CCND3: variants seen among roughly 807,000 people sequenced by gnomAD.
CCND3 encodes cyclin D3.
In CCND3, 9 loss-of-function variants were observed where a neutral mutation model predicts 28.7. That is an observed-to-expected ratio of 0.31 (90% CI 0.19 to 0.55). CCND3 has a LOEUF of 0.55. Ranked by LOEUF, CCND3 falls within the 20% of genes least tolerant of loss-of-function variation. CCND3 has a pLI of 0.93. For missense variants in CCND3, 315 were observed against 385.8 expected, an observed-to-expected ratio of 0.82 and a Z score of 1.54; for synonymous variants, 164 against 163.9, an observed-to-expected ratio of 1.00 and a Z score of 0.00.
intron 1 of CCND3, among the ~76,000 whole-genome samples, chr6:41,994,900 C>G (rs951549096): frequency 6.6e-6 from 1 of 151,840 alleles, no homozygotes; most frequent in Non-Finnish European, 1.5e-5. Context: ...GGTGAAACCC[C>G]GTCTCTACTA....
chr6:42,035,741 G>C (rs1187899578), intron 1 of CCND3, among the ~76,000 whole-genome samples: 2 of 147,730 alleles, frequency 1.4e-5, no homozygotes, highest in Admixed American at 6.9e-5. Context: ...ACAGTAGCGC[G>C]ATCTCGGCTC....
rs921678222 is a variant in CCND3, at chr6:41,995,966, G to A, written c.-46+52535C>T. ...TAAAATTTTTTTAAAATACATAAATGTACAGAGAACAGAAATCACCCCAAA... is the reference window on the plus strand; with the variant it reads ...TAAAATTTTTTTAAAATACATAAATATACAGAGAACAGAAATCACCCCAAA... On this transcript the variant is annotated intron_variant, in intron 1 of 4. Transcript: ENST00000372988. 4.6e-5 allele frequency among the ~76,000 whole-genome samples: 7 copies of A among 151,144 alleles called. No homozygotes were observed. The East Asian group carries it at 1.4e-3, about 29-fold the overall frequency.
chr6:42,020,377 C>T (rs1763670756), intron 1 of CCND3, among the ~76,000 whole-genome samples: 1 of 152,226 alleles, frequency 6.6e-6, no homozygotes, highest in African/African-American at 2.4e-5. Flanking sequence ...GCAACTGACC[C>T]AACATGCAGA....
chr6:42,028,376 T>A (rs1376107947), intron 1 of CCND3, among the ~76,000 whole-genome samples: 1 of 152,114 alleles, frequency 6.6e-6, no homozygotes, highest in Non-Finnish European at 1.5e-5. Context: ...GGGCGAGGTG[T>A]GGAGAGCACA....
chr6:41,993,412 T>TTTC (rs1472629158), intron 1 of CCND3, among the ~76,000 whole-genome samples: 6 of 30,290 alleles, frequency 2.0e-4, no homozygotes, highest in African/African-American at 5.5e-4. Context: ...CATGTCTTCT[T>TTTC]TTTTTTTTTT....
Position 41,999,760 on chromosome 6 carries a change from A to C in CCND3, c.-46+48741T>G, listed in dbSNP as rs115477712. On this transcript the variant is annotated intron_variant, in intron 1 of 4. Transcript: ENST00000372988. ...AATTTAAAAGGCCGGACATGGTGGT[A>C]TGCACCTACAGTCCCAGCTTCTTTG... 4.1e-3 allele frequency among the ~76,000 whole-genome samples: 619 copies of C among 152,172 alleles called. 5 individuals are homozygous for C. Among genetic ancestry groups the C allele is most frequent in the African/African-American group, 0.014 (587 of 41,540 alleles).
intron 1 of CCND3, among the ~76,000 whole-genome samples, chr6:41,959,401 C>T (rs1399811006): frequency 6.6e-6 from 1 of 152,146 alleles, no homozygotes; most frequent in Non-Finnish European, 1.5e-5. Flanking sequence ...ATAACCCAGG[C>T]CAGGCGCAGT....
rs753011743 is a variant in CCND3 at position 41,937,325 on chromosome 6, C to A, written c.484G>T (p.Ala162Ser). 6.2e-7 allele frequency: 1 copy of A among 1,614,004 alleles called. No individual in the cohort carries two copies. Among genetic ancestry groups the A allele is most frequent in the African/African-American group, 1.3e-5 (1 of 74,884 alleles). The change falls in exon 3 of 5, where the codon GCC (alanine) becomes TCC (serine). Residue 162 changes from alanine (A) to serine (S), a missense_variant. Ala to Ser is a moderately conservative substitution (Grantham distance 99, BLOSUM62 1). Transcript: ENST00000372991. ...LAAVIAHDFL[A>S]FILHRLSLPR... is the part of the protein sequence containing the mutation. ...AGAGAGAGCCGGTGCAGAATGAAGGCCAGGAAATCATGTGCAATCACAGCA... is the reference window on the plus strand; with the variant it reads ...AGAGAGAGCCGGTGCAGAATGAAGGACAGGAAATCATGTGCAATCACAGCA...
intron 1 of CCND3, among the ~76,000 whole-genome samples, chr6:41,995,330 G>A (rs1003424585): frequency 4.0e-5 from 6 of 151,856 alleles, no homozygotes; most frequent in South Asian, 2.1e-4. Context: ...CGATCTCAGC[G>A]CGCTGCCACC....
chr6:41,951,801 C>T (rs1202231739), intron 1 of CCND3, among the ~76,000 whole-genome samples: 2 of 151,716 alleles, frequency 1.3e-5, no homozygotes, highest in Non-Finnish European at 2.9e-5. Context: ...CTCTGTCGCC[C>T]AGGCTGGAGT....
chr6:42,022,198 T>A (rs1199264721), intron 1 of CCND3, among the ~76,000 whole-genome samples: 1 of 152,192 alleles, frequency 6.6e-6, no homozygotes, highest in East Asian at 1.9e-4. Context: ...CAGGAAACAG[T>A]TCCAAGGATC....
chr6:41,981,137 C>CA (rs56288352), intron 1 of CCND3, among the ~76,000 whole-genome samples: 150,613 of 152,168 alleles, frequency 0.99, 74,550 homozygotes, highest in Middle Eastern at 1. Flanking sequence ...AAAGAATTGA[C>CA]AAAAAAATCC....
chr6:41,988,845 C>T (rs2127415327), intron 1 of CCND3, among the ~76,000 whole-genome samples: 1 of 151,106 alleles, frequency 6.6e-6, no homozygotes, highest in Admixed American at 6.6e-5. Flanking sequence ...ACTACAGGCG[C>T]CTGCCACCGC....
intron 1 of CCND3, among the ~76,000 whole-genome samples, chr6:41,960,682 A>T (rs1761695696): frequency 6.6e-6 from 1 of 152,200 alleles, no homozygotes; most frequent in Non-Finnish European, 1.5e-5. Context: ...GTAGATATTT[A>T]CATTGGCAAA....
chr6:42,029,740 G>A (rs573283880), intron 1 of CCND3, among the ~76,000 whole-genome samples: 22 of 151,940 alleles, frequency 1.4e-4, no homozygotes, highest in African/African-American at 4.1e-4. Flanking sequence ...GGGAGGCTGA[G>A]GCAAGAGAAT....
At position 41,937,295 on chromosome 6, in the gene CCND3, G is replaced by C. The variant is rs138467679; in HGVS notation, c.514C>G (p.Arg172Gly). 2 of 1,614,166 alleles carry C rather than the reference G, an allele frequency of 1.2e-6. No individual in the cohort carries two copies. The highest frequency in any genetic ancestry group is 1.7e-6 in the Non-Finnish European group (2 of 1,180,044). Residue 172 changes from arginine to glycine, a missense_variant, in exon 3 of 5, where the codon CGT (arginine) becomes GGT (glycine). Arg to Gly is a moderately radical substitution (Grantham distance 125). Transcript: ENST00000372991. ...AFILHRLSLP[R>G]DRQALVKKHA... ...TTTTTGACCAAGGCCTGTCGGTCAC[G>C]GGGCAGAGAGAGCCGGTGCAGAATG...
intron 1 of CCND3, among the ~76,000 whole-genome samples, chr6:42,015,404 A>T (rs1561987921): frequency 6.6e-6 from 1 of 152,156 alleles, no homozygotes; most frequent in South Asian, 2.1e-4. Context: ...TTGCAAAAAA[A>T]TATTTTATTT....
Position 41,936,216 on chromosome 6 carries a change from G to T in CCND3, c.712-109C>A. ...ACATGGGGAAGTCTGGGGAGGTTAG[G>T]CCACAGCCCGGCCCCAGGAATCGCT... is the stretch of plus-strand genomic sequence containing the variant. On this transcript the variant is annotated intron_variant, in intron 4 of 4. Transcript: ENST00000372991. The surrounding 1 kb of genome is among the most constrained non-coding windows in gnomAD (Gnocchi z 4.4). 8.2e-7 allele frequency: 1 copy of T among 1,212,292 alleles called. No individual in the cohort carries two copies. The highest frequency in any genetic ancestry group is 1.1e-6 in the Non-Finnish European group (1 of 876,532). The allele number at this position is 1,212,292 out of a possible 1,614,324, so 75.1% of individuals were successfully genotyped here.
rs1254654753 is a variant in CCND3, at chr6:41,941,502, G to A, written c.148C>T (p.Arg50Trp). ...TTCCGCATGTGCGGCTTGATCTCCC[G>A]CTGCACGCACTGGAAGTAGGAGGCG... ...PRASYFQCVQ[R>W]EIKPHMRKML... is the part of the protein sequence containing the mutation. Residue 50 changes from arginine (R) to tryptophan (W), a missense_variant, in exon 1 of 5, where the codon CGG (arginine) becomes TGG (tryptophan). By Grantham distance (101) the Arg-to-Trp change is moderately radical. Coordinates refer to ENST00000372991, the MANE Select transcript of CCND3 (RefSeq NM_001760.5). The surrounding 1 kb of genome is among the most constrained non-coding windows in gnomAD (Gnocchi z 6.1). The A allele has an allele frequency of 1.2e-6, 2 of 1,608,564 alleles. No individual in the cohort carries two copies. Among genetic ancestry groups the A allele is most frequent in the Non-Finnish European group, 1.7e-6 (2 of 1,178,894 alleles).
Sources: gnomAD v4.1 joint callset for allele counts (sites outside exome capture counted in the v4.1 genomes callset) on GRCh38, gnomAD v4.1.1 for gene constraint, Gnocchi (gnomAD v3.1) non-coding constraint, MANE v1.5 for transcripts, NCBI Gene and HGNC (gene_info 2026-07-23, HGNC 2026-07-21) for gene names.